EXOC4: variants seen among roughly 807,000 people sequenced by gnomAD.
The protein encoded by EXOC4 is exocyst complex component 4.
EXOC4 carries 71 observed loss-of-function variants against 107.2 expected under a neutral mutation model. That is an observed-to-expected ratio of 0.66 (90% CI 0.55 to 0.81). EXOC4 has a LOEUF of 0.81. Among genes scored for constraint, EXOC4 ranks in the 30% least tolerant of loss-of-function variants. The probability of loss-of-function intolerance (pLI) is 0.00; values close to 1 mark genes in which losing one functional copy is unlikely to be tolerated. For missense variants in EXOC4, 1,108 were observed against 1,189.6 expected (o/e 0.93, Z 1.01); for synonymous variants, 456 against 441.2 (o/e 1.03, Z -0.42).
At chr7:133,954,987 G>C (rs1278159486) in intron 14 of EXOC4, among the ~76,000 whole-genome samples, 1 of 152,226 alleles carries the variant, frequency 6.6e-6, no homozygotes. Flanking sequence ...GAACTGCGGA[G>C]CCCCAAAGGG....
At chr7:133,916,671 C>T (rs1453712693) in intron 12 of EXOC4, among the ~76,000 whole-genome samples, 2 of 152,056 alleles carry the variant, frequency 1.3e-5, no homozygotes, top group East Asian at 3.9e-4. Context: ...GTGCATAATG[C>T]CCCCCAGAGT....
At chr7:134,087,441 C>G in the EXOC4 span, among the ~76,000 whole-genome samples, 1 of 152,160 alleles carries the variant, frequency 6.6e-6, no homozygotes, top group Non-Finnish European at 1.5e-5. Context: ...TTTAAGAAAA[C>G]ATTGAGTAAC....
intron 10 of EXOC4, among the ~76,000 whole-genome samples, chr7:133,813,231 G>A (rs754017633): frequency 5.3e-5 from 8 of 152,134 alleles, no homozygotes; most frequent in Non-Finnish European, 1.2e-4. Flanking sequence ...TTAGGTACAC[G>A]AAAGGCAAAT....
At chr7:133,856,090 G>C (rs1225551000) in intron 11 of EXOC4, among the ~76,000 whole-genome samples, 1 of 152,214 alleles carries the variant, frequency 6.6e-6, no homozygotes, top group Admixed American at 6.5e-5. Flanking sequence ...AAACTGCCCT[G>C]TGTCATTAAA....
intron 10 of EXOC4, among the ~76,000 whole-genome samples, chr7:133,698,162 G>A (rs1413745740): frequency 6.6e-6 from 1 of 151,974 alleles, no homozygotes; most frequent in Non-Finnish European, 1.5e-5. Flanking sequence ...TGGTTGTGTT[G>A]TGTTTTGTTT....
At chr7:133,264,882 G>C (rs1793687060) in intron 1 of EXOC4, among the ~76,000 whole-genome samples, 1 of 152,000 alleles carries the variant, frequency 6.6e-6, no homozygotes. Flanking sequence ...TCATACTTAG[G>C]ACAGGCTTTT....
intron 10 of EXOC4, among the ~76,000 whole-genome samples, chr7:133,645,873 T>C (rs1204163167): frequency 6.6e-6 from 1 of 152,210 alleles, no homozygotes; most frequent in East Asian, 1.9e-4. Flanking sequence ...TTTATTTAGG[T>C]AATTGTAAAG....
intron 5 of EXOC4, among the ~76,000 whole-genome samples, chr7:133,348,334 G>A (rs758559252): frequency 5.9e-5 from 9 of 152,154 alleles, no homozygotes; most frequent in Admixed American, 1.3e-4. Context: ...AACAAGTGCC[G>A]TTTGGGGCTG....
chr7:133,341,571 G>C (rs1795661641), intron 5 of EXOC4, among the ~76,000 whole-genome samples: 1 of 152,154 alleles, frequency 6.6e-6, no homozygotes, highest in Non-Finnish European at 1.5e-5. Context: ...GTATGGTTAA[G>C]TCCATTGTTT....
intron 7 of EXOC4, among the ~76,000 whole-genome samples, chr7:133,454,152 T>G (rs1199505755): frequency 6.6e-6 from 1 of 152,202 alleles, no homozygotes; most frequent in Non-Finnish European, 1.5e-5. Context: ...ATAACTAGAC[T>G]GAAAACGTTA....
chr7:134,071,310 C>T (rs1186393862), downstream of EXOC4, among the ~76,000 whole-genome samples: 9 of 152,280 alleles, frequency 5.9e-5, no homozygotes, highest in South Asian at 4.2e-4. Context: ...TCATACCACT[C>T]GTCTCACAAC....
intron 11 of EXOC4, among the ~76,000 whole-genome samples, chr7:133,843,889 G>A (rs1798070241): frequency 6.6e-6 from 1 of 152,038 alleles, no homozygotes; most frequent in African/African-American, 2.4e-5. Context: ...TGAATTTTAT[G>A]GACAGCCTTT....
intron 10 of EXOC4, among the ~76,000 whole-genome samples, chr7:133,677,567 T>C (rs1794091441): frequency 6.6e-6 from 1 of 152,234 alleles, no homozygotes; most frequent in Non-Finnish European, 1.5e-5. Context: ...CGATTTTTAA[T>C]TTGGCTTTTT....
At chr7:133,893,175 A>G (rs1484655851) in intron 11 of EXOC4, among the ~76,000 whole-genome samples, 2 of 78,324 alleles carry the variant, frequency 2.6e-5, no homozygotes, top group Non-Finnish European at 2.2e-5. Flanking sequence ...CTTTACCATT[A>G]TGTAATGGCC....
intron 9 of EXOC4, among the ~76,000 whole-genome samples, chr7:133,583,800 G>T (rs923560157): frequency 6.6e-6 from 1 of 152,116 alleles, no homozygotes; most frequent in South Asian, 2.1e-4. Context: ...TTAAGTGGAG[G>T]AAGAAATGAT....
intron 11 of EXOC4, among the ~76,000 whole-genome samples, chr7:133,888,362 G>A (rs911874377): frequency 7.9e-5 from 12 of 152,094 alleles, no homozygotes; most frequent in African/African-American, 2.9e-4. Flanking sequence ...TTATGGCTAA[G>A]CTTACCATAG....
chr7:133,710,187 C>T (rs890417902), intron 10 of EXOC4, among the ~76,000 whole-genome samples: 1 of 152,106 alleles, frequency 6.6e-6, no homozygotes. Flanking sequence ...GGGCTTCTAT[C>T]ACAGGGTGGG....
At chr7:134,080,231 A>G in the EXOC4 span, among the ~76,000 whole-genome samples, 14 of 152,124 alleles carry the variant, frequency 9.2e-5, no homozygotes, top group Non-Finnish European at 1.8e-4. Flanking sequence ...AATAGTCTAC[A>G]ACAAAAACAA....
At chr7:133,393,486 A>G (rs1032652245) in intron 7 of EXOC4, among the ~76,000 whole-genome samples, 4 of 152,204 alleles carry the variant, frequency 2.6e-5, no homozygotes, top group South Asian at 2.1e-4. Flanking sequence ...AAGATTTGCT[A>G]TAGACTGAAT....
Sources: allele counts gnomAD v4.1 joint callset (sites outside exome capture counted in the v4.1 genomes callset), GRCh38; gene constraint gnomAD v4.1.1; transcripts MANE v1.5; gene names NCBI Gene and HGNC (gene_info 2026-07-23, HGNC 2026-07-21).